DAPK1: variants seen among roughly 807,000 people sequenced by gnomAD.
The protein encoded by DAPK1 is death associated protein kinase 1.
DAPK1 carries 56 observed loss-of-function variants against 144.9 expected under a neutral mutation model. The observed-to-expected ratio is 0.39, with a 90% CI of 0.31 to 0.48. The LOEUF is 0.48. Ranked by LOEUF, DAPK1 falls within the 20% of genes least tolerant of loss-of-function variation. The pLI, the probability that DAPK1 is intolerant of heterozygous loss-of-function variation, is 0.95. For missense variants in DAPK1, 1,454 were observed against 1,875.4 expected (o/e 0.78, Z 4.15); for synonymous variants, 690 against 749.0 (o/e 0.92, Z 1.29).
chr9:87,566,611 T>C (rs1419170269), intron 2 of DAPK1, among the ~76,000 whole-genome samples: 1 of 152,186 alleles, frequency 6.6e-6, no homozygotes, highest in African/African-American at 2.4e-5. Context: ...GTGAGGAGAA[T>C]CAATTTTGTA....
chr9:87,579,775 G>A (rs1177848190), intron 2 of DAPK1, among the ~76,000 whole-genome samples: 1 of 152,042 alleles, frequency 6.6e-6, no homozygotes, highest in East Asian at 1.9e-4. Context: ...TTATTCCAAA[G>A]GTTCCTGAAT....
chr9:87,680,196 C>T (rs571466829), intron 19 of DAPK1, among the ~76,000 whole-genome samples: 18 of 152,296 alleles, frequency 1.2e-4, no homozygotes, highest in Admixed American at 5.9e-4. Flanking sequence ...GCTCCACCTC[C>T]GAGGTTCACA....
chr9:87,706,913 G>A lies in DAPK1; in HGVS notation c.3842G>A (p.Ser1281Asn), dbSNP rs2118132973. The A allele has an allele frequency of 6.2e-7, 1 of 1,613,914 alleles. No individual in the cohort carries two copies. Among genetic ancestry groups the A allele is most frequent in the South Asian group, 1.1e-5 (1 of 91,064 alleles). Residue 1281 changes from serine (S) to asparagine (N), a missense_variant, in exon 26 of 26, where the codon AGC (serine) becomes AAC (asparagine). Coordinates refer to ENST00000408954, the MANE Select transcript of DAPK1 (RefSeq NM_004938.4). This position sits in a 1 kb window ranked among gnomAD's most constrained non-coding sequence, Gnocchi z 9.0. ...GGGGGGTACAAGGAAAGCTTCAGCA[G>A]CATCATGTGCTTCGGGTGTCACGAC... ...TMGGYKESFS[S>N]IMCFGCHDVY...
chr9:87,498,549 A>G (rs902378954), intron 1 of DAPK1: 1 of 237,900 alleles, frequency 4.2e-6, no homozygotes, highest in African/African-American at 2.2e-5. Flanking sequence ...CGGGGGTGCC[A>G]CCGTTGCCGC....
At chr9:87,697,228 G>A (rs1468961763) in intron 22 of DAPK1, 24 bp downstream of exon 22, 1 of 1,110,934 alleles carries the variant, frequency 9.0e-7, no homozygotes, top group Non-Finnish European at 1.4e-6. Context: ...CTGCAGGCCA[G>A]TGATGTCCTA....
intron 17 of DAPK1, among the ~76,000 whole-genome samples, chr9:87,655,373 GA>G (rs1355527381): frequency 2.6e-5 from 4 of 151,930 alleles, no homozygotes; most frequent in Admixed American, 2.6e-4. Context: ...TTTTTTAAAG[GA>G]AAGGTGATGG....
chr9:87,571,496 CCA>C (rs1491023799), intron 2 of DAPK1, among the ~76,000 whole-genome samples: 6,001 of 33,292 alleles, frequency 0.18, 871 homozygotes, highest in East Asian at 0.27. Flanking sequence ...CACACACACC[CCA>C]ACACACACAC....
intron 24 of DAPK1, among the ~76,000 whole-genome samples, 170 bp from the exon 25 acceptor site, chr9:87,702,859 G>A (rs1030035220): frequency 1.3e-5 from 2 of 151,788 alleles, no homozygotes; most frequent in Non-Finnish European, 2.9e-5. Context: ...GGGCAATAGC[G>A]AGACCCAGTC....
At chr9:87,695,682 G>A (rs974383169) in intron 21 of DAPK1, among the ~76,000 whole-genome samples, 2 of 152,168 alleles carry the variant, frequency 1.3e-5, no homozygotes, top group Admixed American at 6.5e-5. Flanking sequence ...GCTGAGCTCT[G>A]CATCTCACAC....
At chr9:87,614,916 C>G (rs895930279) in intron 3 of DAPK1, among the ~76,000 whole-genome samples, 1 of 152,176 alleles carries the variant, frequency 6.6e-6, no homozygotes, top group East Asian at 1.9e-4. Flanking sequence ...ACATCCAGGT[C>G]TTGCTGTGCC....
chr9:87,696,344 T>C (rs1825259897), intron 21 of DAPK1, among the ~76,000 whole-genome samples: 1 of 151,868 alleles, frequency 6.6e-6, no homozygotes, highest in Admixed American at 6.6e-5. Context: ...CAGACATAAG[T>C]AGAAAAACAG....
At chr9:87,670,553 C>T (rs1831217107) in intron 19 of DAPK1, among the ~76,000 whole-genome samples, 1 of 152,146 alleles carries the variant, frequency 6.6e-6, no homozygotes, top group Non-Finnish European at 1.5e-5. Context: ...CAGGTGTGCT[C>T]AGGTTTCCAC....
At position 87,706,302 on chromosome 9, in the gene DAPK1, C is replaced by T. The variant is rs1195401548; in HGVS notation, c.3231C>T (p.Asp1077=). ...TCCAGCGCCTGGTGCCCGACAGCGA[C>T]GTGGAGGAGCTGCTGCAGATCCTCG... ...EDIQRLVPDS[D]VEELLQILDA... is the part of the protein sequence containing the mutation. Residue 1077 remains aspartate, a synonymous_variant, in exon 26 of 26, where the codon GAC becomes GAT. Coordinates refer to ENST00000408954, the MANE Select transcript of DAPK1 (RefSeq NM_004938.4). The surrounding 1 kb of genome is among the most constrained non-coding windows in gnomAD (Gnocchi z 9.0). 13 of 1,610,876 alleles carry T rather than the reference C, an allele frequency of 8.1e-6. No homozygotes were observed. Among genetic ancestry groups the T allele is most frequent in the Admixed American group, 3.4e-5 (2 of 59,594 alleles).
chr9:87,506,302 GT>G (rs1284405070), intron 2 of DAPK1, among the ~76,000 whole-genome samples: 2 of 152,214 alleles, frequency 1.3e-5, no homozygotes, highest in Non-Finnish European at 2.9e-5. Context: ...TTCATGGAAG[GT>G]TTTCATTTGA....
intron 2 of DAPK1, among the ~76,000 whole-genome samples, chr9:87,518,350 A>C (rs1587680189): frequency 7.0e-6 from 1 of 142,890 alleles, no homozygotes; most frequent in East Asian, 2.0e-4. Flanking sequence ...GTAGTCTTGA[A>C]CTCCTGACCT....
intron 7 of DAPK1, 112 bp downstream of exon 7, chr9:87,639,927 C>T: frequency 8.8e-7 from 1 of 1,141,680 alleles, no homozygotes; most frequent in Non-Finnish European, 1.3e-6. Flanking sequence ...GCTTTTGATG[C>T]AAACATATTC....
chr9:87,668,903 C>T (rs1564060501), intron 19 of DAPK1: 2 of 498,500 alleles, frequency 4.0e-6, no homozygotes, highest in Admixed American at 3.6e-5. Flanking sequence ...TTGCAGTTGC[C>T]GTGCCTGGTT....
chr9:87,707,305 G>C lies in DAPK1; in HGVS notation c.4234G>C (p.Ala1412Pro), dbSNP rs533896077. 23 of 1,613,252 alleles carry C rather than the reference G, an allele frequency of 1.4e-5. No individual in the cohort carries two copies. The South Asian group carries it at 2.5e-4, about 18-fold the overall frequency. ...GGATGGCAATGGCCAGGAGGCCTAT[G>C]CCTCGAGCTGCAACAGCGGCACCTC... The part of the protein sequence containing the change: ...NLDGNGQEAY[A>P]SSCNSGTSYN... Residue 1412 changes from alanine to proline, a missense_variant, in exon 26 of 26, where the codon GCC (alanine) becomes CCC (proline). By Grantham distance (27) the Ala-to-Pro change is conservative (BLOSUM62 -1). Coordinates refer to ENST00000408954, the MANE Select transcript of DAPK1 (RefSeq NM_004938.4). The surrounding 1 kb of genome is among the most constrained non-coding windows in gnomAD (Gnocchi z 4.0).
intron 2 of DAPK1, among the ~76,000 whole-genome samples, chr9:87,568,336 G>A (rs1033669686): frequency 1.3e-5 from 2 of 152,220 alleles, no homozygotes; most frequent in Admixed American, 6.5e-5. Flanking sequence ...TCAAAACACT[G>A]TGCCCATTGC....
Sources: gnomAD v4.1 joint callset for allele counts (sites outside exome capture counted in the v4.1 genomes callset) on GRCh38, gnomAD v4.1.1 for gene constraint, Gnocchi (gnomAD v3.1) non-coding constraint, MANE v1.5 for transcripts, NCBI Gene and HGNC (gene_info 2026-07-23, HGNC 2026-07-21) for gene names.